SLC30A7: variants seen among roughly 807,000 people sequenced by gnomAD.
The protein encoded by SLC30A7 is solute carrier family 30 member 7, also known as zinc transporter 7.
Under a neutral mutation model 46.0 loss-of-function variants are expected in SLC30A7, and 35 were observed. The ratio of observed to expected loss-of-function variants is 0.76; its 90% CI spans 0.58 to 1.01. SLC30A7 has a LOEUF of 1.01. SLC30A7 is among the 50% of genes least tolerant of loss of function. The pLI is 0.00. For synonymous variants in SLC30A7, 147 were observed against 157.8 expected (o/e 0.93, Z 0.51); for missense variants, 464 against 451.1 (o/e 1.03, Z -0.26).
intron 7 of SLC30A7, among the ~76,000 whole-genome samples, chr1:100,920,799 C>T (rs969914343): frequency 6.6e-6 from 1 of 151,906 alleles, no homozygotes; most frequent in Non-Finnish European, 1.5e-5. Context: ...GCTTTTTATG[C>T]ATTAACTATT....
At chr1:100,924,674 A>G (rs1653173244) in intron 8 of SLC30A7, among the ~76,000 whole-genome samples, 1 of 149,970 alleles carries the variant, frequency 6.7e-6, no homozygotes, top group Admixed American at 6.7e-5. Context: ...GGCCAAAAAA[A>G]AAAAAGAAAA....
chr1:100,975,027 A>G lies in SLC30A7; in HGVS notation c.*170A>G. On this transcript the variant is annotated 3_prime_UTR_variant, in exon 11 of 11. Coordinates refer to ENST00000357650, the MANE Select transcript of SLC30A7 (RefSeq NM_133496.5). ...ATGCTTTGTGGGGAGTTCACAGCTAAGGGATCAGATTTAAGAGGATATCTC... is the reference window on the plus strand; with the variant it reads ...ATGCTTTGTGGGGAGTTCACAGCTAGGGGATCAGATTTAAGAGGATATCTC... 1 of 435,046 alleles carries G rather than the reference A, an allele frequency of 2.3e-6. No individual in the cohort carries two copies. Among genetic ancestry groups the G allele is most frequent in the Non-Finnish European group, 4.1e-6 (1 of 244,086 alleles). 26.9% of individuals were successfully genotyped at this position (435,046 alleles called of 1,614,324 possible).
rs1652941567 is a variant in SLC30A7 at position 100,921,680 on chromosome 1, T to A, written c.707-26T>A. On this transcript the variant is annotated intron_variant, in intron 7 of 10. Transcript: ENST00000357650. ...TTTTAAATTAACCAAAAGACTGTTT[T>A]GATTTTTATTATGGTTTATTTCTAG... is the stretch of plus-strand genomic sequence containing the variant. 1.1e-5 allele frequency: 17 copies of A among 1,576,658 alleles called. No individual in the cohort carries two copies. The East Asian group carries it at 3.8e-4, about 35-fold the overall frequency.
At chr1:100,941,097 G>T (rs1570560307) in intron 8 of SLC30A7, 2 of 315,312 alleles carry the variant, frequency 6.3e-6, no homozygotes, top group East Asian at 1.6e-4. Flanking sequence ...AAAAGAATTT[G>T]CCTCCACCAC....
chr1:100,945,103 G>A (rs1654552911), intron 8 of SLC30A7, among the ~76,000 whole-genome samples: 1 of 152,154 alleles, frequency 6.6e-6, no homozygotes, highest in South Asian at 2.1e-4. Flanking sequence ...AGAAATGTCT[G>A]TTCATATCCT....
the SLC30A7 span, chr1:100,995,008 C>T: frequency 2.6e-6 from 2 of 784,258 alleles, no homozygotes; most frequent in Non-Finnish European, 4.3e-6. Context: ...TTAATGAGAG[C>T]TCATTTTCAA....
At chr1:100,915,914 C>T (rs1319090008) in intron 6 of SLC30A7, among the ~76,000 whole-genome samples, 1 of 152,056 alleles carries the variant, frequency 6.6e-6, no homozygotes, top group Non-Finnish European at 1.5e-5. Flanking sequence ...TTCCTTTTCT[C>T]TACAGCTTTC....
chr1:100,915,444 C>T (rs539551273), intron 6 of SLC30A7, among the ~76,000 whole-genome samples: 6 of 152,166 alleles, frequency 3.9e-5, no homozygotes, highest in African/African-American at 9.6e-5. Context: ...TTCCAACTTC[C>T]TCCAACCACT....
the SLC30A7 span, chr1:100,995,142 T>G: frequency 3.8e-6 from 6 of 1,575,924 alleles, no homozygotes; most frequent in Non-Finnish European, 8.7e-7. Flanking sequence ...GCTCCTTTAC[T>G]TTGATGTCTG....
intron 6 of SLC30A7, among the ~76,000 whole-genome samples, chr1:100,915,711 G>A (rs1384435032): frequency 6.6e-6 from 1 of 152,114 alleles, no homozygotes; most frequent in Non-Finnish European, 1.5e-5. Flanking sequence ...TCCATGTCTT[G>A]GCTATTGTGA....
downstream of SLC30A7, among the ~76,000 whole-genome samples, chr1:100,984,082 TC>T (rs1657135236): frequency 6.6e-6 from 1 of 152,198 alleles, no homozygotes; most frequent in Non-Finnish European, 1.5e-5. Flanking sequence ...AGGGAAGACT[TC>T]CCACTGGCTT....
At chr1:100,932,476 T>C (rs1653719195) in intron 8 of SLC30A7, among the ~76,000 whole-genome samples, 1 of 152,240 alleles carries the variant, frequency 6.6e-6, no homozygotes, top group East Asian at 1.9e-4. Context: ...GCAACTGATA[T>C]TTCTATTACA....
intron 8 of SLC30A7, among the ~76,000 whole-genome samples, chr1:100,943,685 A>G (rs1159030676): frequency 6.6e-6 from 1 of 152,250 alleles, no homozygotes; most frequent in Non-Finnish European, 1.5e-5. Context: ...TAAGAGCTGT[A>G]TATCAGGAAA....
intron 3 of SLC30A7, among the ~76,000 whole-genome samples, chr1:100,910,197 G>A (rs958081415): frequency 1.3e-5 from 2 of 150,160 alleles, no homozygotes; most frequent in African/African-American, 4.8e-5. Flanking sequence ...AAAAGCACGA[G>A]TTTTGATGCT....
Position 100,977,494 on chromosome 1 carries a change from A to G in SLC30A7, c.*2637A>G, listed in dbSNP as rs145935288. 4.6e-5 allele frequency: 7 copies of G among 152,348 alleles called. No homozygotes were observed. Among genetic ancestry groups the G allele is most frequent in the African/African-American group, 1.7e-4 (7 of 41,576 alleles). 9.4% of individuals were successfully genotyped at this position (152,348 alleles called of 1,614,324 possible). A position where few individuals can be genotyped will look rare whatever the true frequency, so the allele number is the denominator to read the frequency against. On this transcript the variant is annotated 3_prime_UTR_variant, in exon 11 of 11. Transcript: ENST00000357650. The stretch of plus-strand genomic sequence containing the variant: ...TCTTATTAGTGTTCTTGGCACATGT[A>G]TATTACTAAAGTAGATAATTCCAAT...
intron 10 of SLC30A7, among the ~76,000 whole-genome samples, chr1:100,973,616 G>A (rs1014053510): frequency 6.6e-6 from 1 of 152,058 alleles, no homozygotes; most frequent in Non-Finnish European, 1.5e-5. Context: ...TACATCGCAA[G>A]GTGATAAGTT....
At chr1:100,912,367 C>CGATA (rs1284966024) in intron 5 of SLC30A7, 129 bp downstream of exon 5, 17 of 1,063,934 alleles carry the variant, frequency 1.6e-5, no homozygotes, top group African/African-American at 3.2e-5. Context: ...TCTTCCTGAA[C>CGATA]TATCCCTTTC....
rs987772122 is a variant in SLC30A7 at position 100,976,001 on chromosome 1, G to A, written c.*1144G>A. The A allele has an allele frequency of 5.3e-5, 8 of 152,378 alleles. No homozygotes were observed. Among genetic ancestry groups the A allele is most frequent in the Non-Finnish European group, 1.0e-4 (7 of 68,000 alleles). The allele number at this position is 152,378 out of a possible 1,614,324, so 9.4% of individuals were successfully genotyped here. A position where few individuals can be genotyped will look rare whatever the true frequency, so the allele number is the denominator to read the frequency against. On this transcript the variant is annotated 3_prime_UTR_variant, in exon 11 of 11. Coordinates refer to ENST00000357650, the MANE Select transcript of SLC30A7 (RefSeq NM_133496.5). ...GTTTTATCTTCACAGAAAATAAAAG[G>A]TGTTAATTTGCTTTTTAAAACAAAT...
chr1:100,982,053 A>G (rs1457490680), downstream of SLC30A7, among the ~76,000 whole-genome samples: 1 of 152,196 alleles, frequency 6.6e-6, no homozygotes, highest in African/African-American at 2.4e-5. Flanking sequence ...GTTTCTATGG[A>G]TGACTTTGTC....
Sources: gnomAD v4.1 joint callset for allele counts (sites outside exome capture counted in the v4.1 genomes callset) on GRCh38, gnomAD v4.1.1 for gene constraint, MANE v1.5 for transcripts, NCBI Gene and HGNC (gene_info 2026-07-23, HGNC 2026-07-21) for gene names.